COL27A1: variants seen among roughly 807,000 people sequenced by gnomAD.
COL27A1 encodes collagen type XXVII alpha 1 chain, also known as collagen alpha-1(XXVII) chain.
COL27A1 carries 106 observed loss-of-function variants against 251.3 expected under a neutral mutation model. That is an observed-to-expected ratio of 0.42 (90% CI 0.36 to 0.50). COL27A1 has a LOEUF of 0.50. COL27A1 is among the 20% of genes least tolerant of loss of function. The probability of loss-of-function intolerance (pLI) is 0.00; values close to 1 mark genes in which losing one functional copy is unlikely to be tolerated. For missense variants in COL27A1, 2,325 were observed against 2,522.8 expected (o/e 0.92, Z 1.68); for synonymous variants, 1,000 against 986.3 (o/e 1.01, Z -0.26).
chr9:114,302,015 C>T (rs1564588355), intron 55 of COL27A1, 67 bp from the exon 56 acceptor site: 1 of 1,478,896 alleles, frequency 6.8e-7, no homozygotes. Context: ...CCCTGGTCTC[C>T]TGACACCCTC....
intron 7 of COL27A1, among the ~76,000 whole-genome samples, chr9:114,199,977 A>T (rs1008014980): frequency 2.6e-5 from 4 of 152,080 alleles, no homozygotes; most frequent in African/African-American, 7.2e-5. Context: ...CCAGCCTGAC[A>T]TCCCCCCAGC....
At chr9:114,284,917 T>A in intron 41 of COL27A1, 140 bp downstream of exon 41, 1 of 843,880 alleles carries the variant, frequency 1.2e-6, no homozygotes, top group South Asian at 1.5e-5. Context: ...CAGCCGAGGC[T>A]GGTGTCACTG....
chr9:114,227,182 C>T (rs1373966819), intron 14 of COL27A1, among the ~76,000 whole-genome samples: 1 of 152,150 alleles, frequency 6.6e-6, no homozygotes, highest in Non-Finnish European at 1.5e-5. Flanking sequence ...ACCAGCCGTT[C>T]CCCACATTAG....
At chr9:114,310,429 G>A in intron 60 of COL27A1, 120 bp from the exon 61 acceptor site, 21 of 1,082,398 alleles carry the variant, frequency 1.9e-5, no homozygotes, top group Non-Finnish European at 2.9e-5. Context: ...ATAGGTCATT[G>A]CTACAATGAA....
At chr9:114,196,231 A>G (rs1437022767) in intron 7 of COL27A1, among the ~76,000 whole-genome samples, 2 of 152,194 alleles carry the variant, frequency 1.3e-5, no homozygotes, top group African/African-American at 4.8e-5. Context: ...CACCACGGTT[A>G]ATGAGGTAGC....
chr9:114,206,138 C>T (rs1162600452), intron 9 of COL27A1, 114 bp from the exon 10 acceptor site: 6 of 1,037,682 alleles, frequency 5.8e-6, no homozygotes, highest in South Asian at 5.5e-5. Flanking sequence ...TCTAACCCCA[C>T]CCCCATTCTA....
chr9:114,182,966 G>T (rs370836631), intron 4 of COL27A1, 56 bp from the exon 5 acceptor site: 2 of 1,483,788 alleles, frequency 1.3e-6, no homozygotes. Context: ...TGTCAGAGGC[G>T]AGATGGCCCC....
rs1301207686 is a variant in COL27A1, at chr9:114,209,836, G to C, written c.2322+108G>C. 5.6e-6 allele frequency: 6 copies of C among 1,073,060 alleles called. No homozygotes were observed. The East Asian group carries it at 1.4e-4, about 25-fold the overall frequency. 66.5% of individuals were successfully genotyped at this position (1,073,060 alleles called of 1,614,324 possible). A position where few individuals can be genotyped will look rare whatever the true frequency, so the allele number is the denominator to read the frequency against. ...AAGTCAAGGAATTCCTCCTGGAGGA[G>C]GTGCACTTGAGTCGAGTAGGAGTCT... On this transcript the variant is annotated intron_variant, in intron 11 of 60. Transcript: ENST00000356083.
intron 7 of COL27A1, among the ~76,000 whole-genome samples, chr9:114,203,466 C>T (rs1829712834): frequency 6.6e-6 from 1 of 152,164 alleles, no homozygotes; most frequent in Non-Finnish European, 1.5e-5. Context: ...CCAGTTAGTA[C>T]AGTAGTACTG....
At chr9:114,302,803 T>C (rs1403419249) in intron 56 of COL27A1, among the ~76,000 whole-genome samples, 2 of 151,248 alleles carry the variant, frequency 1.3e-5, no homozygotes, top group East Asian at 3.9e-4. Flanking sequence ...TTGGCCACTG[T>C]GGCCCTATCT....
At chr9:114,237,790 G>T in intron 19 of COL27A1, 75 bp downstream of exon 19, 2 of 1,262,720 alleles carry the variant, frequency 1.6e-6, no homozygotes, top group East Asian at 2.3e-5. Context: ...TGAGGCCCAG[G>T]GATGGGGAAA....
At chr9:114,183,180 G>A (rs989532790) in intron 5 of COL27A1, 105 bp downstream of exon 5, 8 of 1,078,338 alleles carry the variant, frequency 7.4e-6, no homozygotes, top group African/African-American at 1.6e-5. Flanking sequence ...GGGGAACTGA[G>A]GGGGATTCCC....
chr9:114,221,390 G>A (rs549554839), intron 13 of COL27A1, among the ~76,000 whole-genome samples: 99 of 152,164 alleles, frequency 6.5e-4, no homozygotes, highest in Non-Finnish European at 1.0e-3. Context: ...GAGTTTCCTT[G>A]GCGAGCGGCA....
intron 28 of COL27A1, among the ~76,000 whole-genome samples, chr9:114,262,919 T>C (rs145656674): frequency 1.6e-3 from 241 of 150,068 alleles, no homozygotes; most frequent in African/African-American, 5.4e-3. Flanking sequence ...CAATTATTCA[T>C]TGAAAATTTC....
At chr9:114,166,936 AAGG>A (rs1206125244) in intron 2 of COL27A1, among the ~76,000 whole-genome samples, 1 of 151,990 alleles carries the variant, frequency 6.6e-6, no homozygotes, top group Non-Finnish European at 1.5e-5. Context: ...CTGTGGGGAG[AAGG>A]AGGAGTCAGC....
intron 21 of COL27A1, among the ~76,000 whole-genome samples, chr9:114,240,713 G>A (rs1420133569): frequency 5.3e-5 from 8 of 152,150 alleles, no homozygotes; most frequent in East Asian, 1.9e-4. Flanking sequence ...TGGCTTCCCC[G>A]CACCCTCCCT....
chr9:114,253,295 A>AAAAAGAAAG (rs1554816662), intron 27 of COL27A1, among the ~76,000 whole-genome samples: 4 of 140,252 alleles, frequency 2.9e-5, no homozygotes, highest in Admixed American at 1.4e-4. Context: ...GAGACAGAGA[A>AAAAAGAAAG]AAAGAAAGAA....
rs143579651 is a variant in COL27A1, at chr9:114,268,100, G to A, written c.3501+543G>A. ...TTCAAAGAGGGAGTTGGACCAGGCC[G>A]GGGGCTGCCAGACTTGGCCTAGTCC... On this transcript the variant is annotated intron_variant, in intron 34 of 60. Coordinates refer to ENST00000356083, the MANE Select transcript of COL27A1 (RefSeq NM_032888.4). Among the ~76,000 whole-genome samples the A allele has an allele frequency of 5.0e-3, 759 of 152,318 alleles. 13 individuals are homozygous for A. Among genetic ancestry groups the A allele is most frequent in the African/African-American group, 0.017 (718 of 41,572 alleles).
intron 42 of COL27A1, 74 bp from the exon 43 acceptor site, chr9:114,288,628 G>C: frequency 1.3e-6 from 2 of 1,564,034 alleles, no homozygotes; most frequent in Non-Finnish European, 1.7e-6. Context: ...CGCAGAGGTC[G>C]CGGCCAACAG....
Sources: gnomAD v4.1 joint callset for allele counts (sites outside exome capture counted in the v4.1 genomes callset) on GRCh38, gnomAD v4.1.1 for gene constraint, MANE v1.5 for transcripts, NCBI Gene and HGNC (gene_info 2026-07-23, HGNC 2026-07-21) for gene names.